The following GRIK1 variants were observed in gnomAD, a reference collection of about 807,000 sequenced individuals.
GRIK1 encodes glutamate ionotropic receptor kainate type subunit 1.
Under a neutral mutation model 105.7 loss-of-function variants are expected in GRIK1, and 69 were observed. That is an observed-to-expected ratio of 0.65 (90% confidence interval 0.54 to 0.80). GRIK1 has a LOEUF of 0.80. Ranked by LOEUF, GRIK1 falls within the 30% of genes least tolerant of loss-of-function variation. The pLI is 0.00. For missense variants in GRIK1, 1,109 were observed against 1,167.3 expected (o/e 0.95, Z 0.73); for synonymous variants, 438 against 431.3 (o/e 1.02, Z -0.19).
intron 7 of GRIK1, among the ~76,000 whole-genome samples, chr21:29,612,613 C>T (rs2061753525): frequency 6.6e-6 from 1 of 152,144 alleles, no homozygotes; most frequent in Non-Finnish European, 1.5e-5. Flanking sequence ...ATCAATGATG[C>T]TTGGCTTTTA....
intron 1 of GRIK1, among the ~76,000 whole-genome samples, chr21:29,715,581 C>T (rs959112994): frequency 6.6e-5 from 10 of 151,720 alleles, no homozygotes; most frequent in Admixed American, 5.9e-4. Context: ...GCTCACATCG[C>T]TTGCCTCCCC....
Position 29,905,103 on chromosome 21 carries a change from A to G in GRIK1, c.118+34280T>C, listed in dbSNP as rs556125154. On this transcript the variant is annotated intron_variant, in intron 1 of 17. Transcript: ENST00000327783. ...GGTCAGAGTGCCATTATTTAAACCA[A>G]CTCATTTTAAACCTGGATCAAAGCC... Among the ~76,000 whole-genome samples, 7 of 152,274 alleles carry G rather than the reference A, an allele frequency of 4.6e-5. No individual in the cohort carries two copies. In the South Asian group the frequency reaches 1.5e-3, roughly 32 times the overall value.
chr21:29,655,318 G>A (rs1487342640), intron 4 of GRIK1, among the ~76,000 whole-genome samples: 1 of 152,044 alleles, frequency 6.6e-6, no homozygotes, highest in Non-Finnish European at 1.5e-5. Context: ...TGAGGCGGGA[G>A]AATCGCTTGA....
chr21:29,848,779 A>ATATATATATATATATTTT, intron 1 of GRIK1, among the ~76,000 whole-genome samples: 2 of 77,884 alleles, frequency 2.6e-5, no homozygotes, highest in African/African-American at 1.2e-4. Context: ...ATATATATAT[A>ATATATATATATATATTTT]TTTTTTTTTT....
At chr21:29,917,198 G>A (rs1454091462) in intron 1 of GRIK1, among the ~76,000 whole-genome samples, 4 of 151,938 alleles carry the variant, frequency 2.6e-5, no homozygotes, top group African/African-American at 9.7e-5. Context: ...TTGGTGATTT[G>A]CCATTTATTT....
rs185651075 is a variant in GRIK1 at position 29,671,440 on chromosome 21, A to T, written c.726+1543T>A. ...TTTTTTTACTCTAATCATCCAGCAC[A>T]TAATAGAAACATTTGGTCAACTTTT... On this transcript the variant is annotated intron_variant, in intron 4 of 17. Transcript: ENST00000327783. Among the ~76,000 whole-genome samples the T allele has an allele frequency of 3.7e-3, 559 of 151,334 alleles. 1 individual carries two copies. The highest frequency in any genetic ancestry group is 0.013 in the African/African-American group (530 of 41,138).
intron 14 of GRIK1, among the ~76,000 whole-genome samples, chr21:29,572,987 G>GT (rs2090789847): frequency 6.6e-6 from 1 of 152,064 alleles, no homozygotes; most frequent in Non-Finnish European, 1.5e-5. Context: ...TGGTCAGGCT[G>GT]GTCTTGAACT....
intron 1 of GRIK1, among the ~76,000 whole-genome samples, chr21:29,901,883 G>A (rs11909642): frequency 0.032 from 4,808 of 151,004 alleles, 262 homozygotes; most frequent in African/African-American, 0.11. Context: ...GATGAACATC[G>A]ATGCAAAAAT....
At chr21:29,899,507 AG>A (rs1421069806) in intron 1 of GRIK1, among the ~76,000 whole-genome samples, 3 of 150,328 alleles carry the variant, frequency 2.0e-5, no homozygotes, top group Non-Finnish European at 3.0e-5. Context: ...AAGGAAGTAT[AG>A]TATCTATAGA....
At chr21:29,872,012 C>A (rs1292254163) in intron 1 of GRIK1, among the ~76,000 whole-genome samples, 1 of 151,858 alleles carries the variant, frequency 6.6e-6, no homozygotes, top group African/African-American at 2.4e-5. Flanking sequence ...AATCCATCCA[C>A]CCCAGCCTCC....
chr21:29,783,937 C>G (rs761320035), intron 1 of GRIK1, among the ~76,000 whole-genome samples: 1 of 152,064 alleles, frequency 6.6e-6, no homozygotes, highest in African/African-American at 2.4e-5. Context: ...TTTTTTTGCT[C>G]TTTGTTTTTT....
At chr21:29,671,289 AT>A (rs1217021140) in intron 4 of GRIK1, among the ~76,000 whole-genome samples, 2 of 151,470 alleles carry the variant, frequency 1.3e-5, no homozygotes, top group Non-Finnish European at 2.9e-5. Flanking sequence ...CACCTGGCTA[AT>A]TTTTTTGTAT....
rs547214043 is a variant in GRIK1 at position 29,587,477 on chromosome 21, T to C, written c.1682A>G (p.Asn561Ser). 4.3e-5 allele frequency: 69 copies of C among 1,613,178 alleles called. No homozygotes were observed. Among genetic ancestry groups the C allele is most frequent in the South Asian group, 1.9e-4 (17 of 91,064 alleles). Residue 561 changes from asparagine to serine, a missense_variant, in exon 12 of 18, where the codon AAT (asparagine) becomes AGT (serine). Asn to Ser is a conservative substitution (Grantham distance 46, BLOSUM62 1). Transcript: ENST00000327783. Reference protein sequence around the residue: ...LGISILYRKPNGTNPGVFSFL... With the variant: ...LGISILYRKPSGTNPGVFSFL... ...GGAGAAAACGCCTGGATTGGTACCA[T>C]TGGGCTTCCGGTAGAGAATGCTGAT...
At chr21:29,863,343 G>T (rs2068703276) in intron 1 of GRIK1, among the ~76,000 whole-genome samples, 1 of 152,078 alleles carries the variant, frequency 6.6e-6, no homozygotes, top group South Asian at 2.1e-4. Context: ...ATGTGTGGTT[G>T]CCCAGAATTG....
chr21:29,652,624 G>T (rs1293189420), intron 5 of GRIK1, among the ~76,000 whole-genome samples: 1 of 152,192 alleles, frequency 6.6e-6, no homozygotes, highest in East Asian at 1.9e-4. Context: ...TTAAGACAGG[G>T]TTATGTAATA....
intron 1 of GRIK1, among the ~76,000 whole-genome samples, chr21:29,751,201 T>C (rs2065192441): frequency 6.6e-6 from 1 of 152,250 alleles, no homozygotes; most frequent in Non-Finnish European, 1.5e-5. Flanking sequence ...GGGGATATGA[T>C]GGCTTAGCTT....
At chr21:29,654,777 C>A (rs1015078552) in intron 5 of GRIK1, 33 bp downstream of exon 5, 2 of 1,241,158 alleles carry the variant, frequency 1.6e-6, no homozygotes, top group Non-Finnish European at 2.4e-6. Context: ...CGTTTCCTAC[C>A]ATGTGGAATA....
At chr21:29,598,791 TC>T in intron 8 of GRIK1, 38 bp downstream of exon 8, 1 of 916,750 alleles carries the variant, frequency 1.1e-6, no homozygotes, top group South Asian at 1.5e-5. Context: ...TGAACAATGT[TC>T]ATTTGTTATT....
In GRIK1 at chr21:29,744,860, G is replaced by A. The variant is rs193076026; in HGVS notation, c.119-50797C>T. 2.6e-5 allele frequency among the ~76,000 whole-genome samples: 4 copies of A among 152,228 alleles called. No individual in the cohort carries two copies. The East Asian group carries it at 7.7e-4, about 29-fold the overall frequency. On this transcript the variant is annotated intron_variant, in intron 1 of 17. Transcript: ENST00000327783. ...TTTGATTTCCACATCAATCCCATGA[G>A]GTAGGAGACACTTTGACCTGTATTT...
Sources: gnomAD v4.1 joint callset for allele counts (sites outside exome capture counted in the v4.1 genomes callset) on GRCh38, gnomAD v4.1.1 for gene constraint, MANE v1.5 for transcripts, NCBI Gene and HGNC (gene_info 2026-07-23, HGNC 2026-07-21) for gene names.